Variants in CACNA2D3 observed in about 807,000 individuals in gnomAD.
CACNA2D3 encodes voltage-dependent calcium channel subunit alpha-2/delta-3.
Under a neutral mutation model 160.6 loss-of-function variants are expected in CACNA2D3, and 60 were observed. That is an observed-to-expected ratio of 0.37 (90% CI 0.30 to 0.46). The LOEUF (loss-of-function observed/expected upper bound fraction) is 0.46. Among genes scored for constraint, CACNA2D3 ranks in the 20% least tolerant of loss-of-function variants. The pLI is 1.00. For missense variants in CACNA2D3, 1,205 were observed against 1,365.0 expected (o/e 0.88, Z 1.85); for synonymous variants, 558 against 492.9 (o/e 1.13, Z -1.75).
At chr3:54,186,819 T>G (rs1360013237) in intron 2 of CACNA2D3, among the ~76,000 whole-genome samples, 1 of 152,144 alleles carries the variant, frequency 6.6e-6, no homozygotes, top group African/African-American at 2.4e-5. Context: ...CAACCCAAAA[T>G]GCTCACCAAC....
chr3:54,942,426 C>T (rs1036906125), intron 27 of CACNA2D3, among the ~76,000 whole-genome samples: 7 of 152,142 alleles, frequency 4.6e-5, no homozygotes, highest in Non-Finnish European at 7.4e-5. Context: ...GAGAAATAAG[C>T]GAAGAGGGAA....
At chr3:54,698,227 G>T (rs1319563673) in intron 11 of CACNA2D3, among the ~76,000 whole-genome samples, 1 of 152,192 alleles carries the variant, frequency 6.6e-6, no homozygotes, top group Non-Finnish European at 1.5e-5. Context: ...GTAGTCTCAG[G>T]AATGTGAATA....
At chr3:54,914,740 TC>T (rs1432000700) in intron 27 of CACNA2D3, among the ~76,000 whole-genome samples, 1 of 152,160 alleles carries the variant, frequency 6.6e-6, no homozygotes, top group East Asian at 1.9e-4. Flanking sequence ...AAAGGATGGT[TC>T]CCTAAAGTCA....
intron 11 of CACNA2D3, among the ~76,000 whole-genome samples, chr3:54,723,787 G>A (rs529709987): frequency 5.9e-5 from 9 of 152,292 alleles, no homozygotes; most frequent in Non-Finnish European, 8.8e-5. Context: ...CACCTTCTGC[G>A]TTGATCTCAC....
intron 4 of CACNA2D3, among the ~76,000 whole-genome samples, chr3:54,465,060 T>G (rs965227505): frequency 6.6e-6 from 1 of 152,120 alleles, no homozygotes; most frequent in African/African-American, 2.4e-5. Context: ...TTCTCCTTTT[T>G]TTTTGGTCTG....
intron 25 of CACNA2D3, among the ~76,000 whole-genome samples, chr3:54,895,432 G>C (rs115278848): frequency 6.6e-6 from 1 of 152,266 alleles, no homozygotes; most frequent in South Asian, 2.1e-4. Flanking sequence ...GGGTGTCCTC[G>C]AAGGGCATGG....
chr3:54,926,804 A>G (rs1701035365), intron 27 of CACNA2D3, among the ~76,000 whole-genome samples: 2 of 152,148 alleles, frequency 1.3e-5, no homozygotes, highest in Non-Finnish European at 2.9e-5. Flanking sequence ...ATGATGCTGT[A>G]AAACAGCATC....
At chr3:54,802,507 A>G (rs1703015129) in intron 13 of CACNA2D3, among the ~76,000 whole-genome samples, 1 of 152,236 alleles carries the variant, frequency 6.6e-6, no homozygotes, top group Non-Finnish European at 1.5e-5. Flanking sequence ...AAAGAGTTAC[A>G]GAAATATTTT....
chr3:54,575,418 A>G (rs536443101), intron 8 of CACNA2D3, among the ~76,000 whole-genome samples: 118 of 151,626 alleles, frequency 7.8e-4, no homozygotes, highest in Non-Finnish European at 1.4e-3. Context: ...TTCTGTGCCA[A>G]TTTTTTTTCT....
At chr3:54,999,006 A>C (rs892528494) in intron 31 of CACNA2D3, among the ~76,000 whole-genome samples, 1 of 152,114 alleles carries the variant, frequency 6.6e-6, no homozygotes, top group Non-Finnish European at 1.5e-5. Context: ...TTGGCCTCCC[A>C]AAGTGCTGGG....
At chr3:54,145,229 A>C (rs1051750570) in intron 2 of CACNA2D3, among the ~76,000 whole-genome samples, 1 of 152,242 alleles carries the variant, frequency 6.6e-6, no homozygotes. Context: ...TGGCTAATTA[A>C]AATGCGGTAA....
At chr3:55,008,891 A>ACG (rs1384859774) in intron 33 of CACNA2D3, among the ~76,000 whole-genome samples, 34 of 103,458 alleles carry the variant, frequency 3.3e-4, no homozygotes, top group African/African-American at 1.4e-3. Context: ...CCCTCTATAC[A>ACG]CACACACACA....
intron 4 of CACNA2D3, among the ~76,000 whole-genome samples, chr3:54,482,349 A>G (rs1342698479): frequency 2.0e-5 from 3 of 152,176 alleles, no homozygotes; most frequent in Non-Finnish European, 4.4e-5. Flanking sequence ...TAGTTATTCT[A>G]TCCCTTATTA....
chr3:54,127,417 A>G (rs1321522782), intron 2 of CACNA2D3, among the ~76,000 whole-genome samples: 2 of 152,210 alleles, frequency 1.3e-5, no homozygotes, highest in Non-Finnish European at 2.9e-5. Flanking sequence ...TGGTGCTTTA[A>G]GCCATTTTTA....
intron 3 of CACNA2D3, among the ~76,000 whole-genome samples, chr3:54,383,419 T>C (rs1559466507): frequency 6.6e-6 from 1 of 152,150 alleles, no homozygotes; most frequent in Non-Finnish European, 1.5e-5. Context: ...ATGCAGGGCG[T>C]ATCCATTCAA....
At chr3:54,571,489 T>A (rs1258042677) in intron 8 of CACNA2D3, among the ~76,000 whole-genome samples, 2 of 152,136 alleles carry the variant, frequency 1.3e-5, no homozygotes, top group Non-Finnish European at 2.9e-5. Flanking sequence ...TCTCCAGTTC[T>A]TTTTCTTCTT....
At chr3:54,864,037 A>G (rs147025767) in intron 17 of CACNA2D3, among the ~76,000 whole-genome samples, 2 of 152,140 alleles carry the variant, frequency 1.3e-5, no homozygotes, top group Non-Finnish European at 2.9e-5. Context: ...TCTTGGCATA[A>G]TGTCTATGTC....
chr3:54,581,979 C>T (rs947666102), intron 9 of CACNA2D3, 102 bp downstream of exon 9: 32 of 895,118 alleles, frequency 3.6e-5, no homozygotes, highest in Non-Finnish European at 5.3e-5. Context: ...ACTGCCCTTT[C>T]ATTGAGGCCC....
At position 54,267,957 on chromosome 3, in the gene CACNA2D3, A is replaced by G. The variant is rs143859096; in HGVS notation, c.205-52485A>G. 1.1e-3 allele frequency among the ~76,000 whole-genome samples: 162 copies of G among 152,248 alleles called. 1 individual carries two copies. Among genetic ancestry groups the G allele is most frequent in the Non-Finnish European group, 2.1e-3 (145 of 68,020 alleles). ...GATGTTTTGGGGGTGTTTTTTTGTA[A>G]TGTTTAAAATATGAATCCCTTTGGT... On this transcript the variant is annotated intron_variant, in intron 2 of 37. Transcript: ENST00000474759.
Sources: allele counts gnomAD v4.1 joint callset (sites outside exome capture counted in the v4.1 genomes callset), GRCh38; gene constraint gnomAD v4.1.1; transcripts MANE v1.5; gene names NCBI Gene and HGNC (gene_info 2026-07-23, HGNC 2026-07-21).